Variants in SLC28A1 observed in about 807,000 individuals in gnomAD.
SLC28A1 encodes solute carrier family 28 member 1, also known as sodium/nucleoside cotransporter 1.
A neutral mutation model predicts 74.8 loss-of-function variants in SLC28A1; 64 were observed. The ratio of observed to expected loss-of-function variants is 0.86; its 90% CI spans 0.70 to 1.05. The LOEUF is 1.05. Among genes scored for constraint, SLC28A1 ranks in the 50% least tolerant of loss-of-function variants. The pLI, the probability that SLC28A1 is intolerant of heterozygous loss-of-function variation, is 0.00. For synonymous variants in SLC28A1, 359 were observed against 335.0 expected, an observed-to-expected ratio of 1.07 and a Z score of -0.78; for missense variants, 828 against 822.8, an observed-to-expected ratio of 1.01 and a Z score of -0.08.
chr15:84,898,821 A>G (rs1009714842), intron 6 of SLC28A1, among the ~76,000 whole-genome samples: 1 of 152,160 alleles, frequency 6.6e-6, no homozygotes, highest in African/African-American at 2.4e-5. Flanking sequence ...AGACCACAGC[A>G]CAGGGAAGGA....
At chr15:84,953,802 G>A in the SLC28A1 span, among the ~76,000 whole-genome samples, 1 of 152,220 alleles carries the variant, frequency 6.6e-6, no homozygotes, top group Non-Finnish European at 1.5e-5. Context: ...TGTAAAAAAT[G>A]TATAAATCAG....
At chr15:84,896,849 G>T (rs1966053153) in intron 6 of SLC28A1, among the ~76,000 whole-genome samples, 1 of 152,174 alleles carries the variant, frequency 6.6e-6, no homozygotes, top group Non-Finnish European at 1.5e-5. Context: ...GGAACATCAT[G>T]CTCAGTGAAA....
chr15:84,907,990 T>C (rs1378116616), intron 8 of SLC28A1, among the ~76,000 whole-genome samples: 4 of 152,092 alleles, frequency 2.6e-5, no homozygotes, highest in Non-Finnish European at 4.4e-5. Context: ...AACACAGGTC[T>C]CCTGTAGAAG....
intron 6 of SLC28A1, chr15:84,895,386 G>A (rs1567123695): frequency 6.2e-7 from 1 of 1,614,040 alleles, no homozygotes; most frequent in Admixed American, 1.7e-5. Flanking sequence ...AGGGATCCCA[G>A]GCCATGGAGC....
rs778767791 is a variant in SLC28A1, at chr15:84,935,492, G to A, written c.1555G>A (p.Val519Ile). 2.5e-6 allele frequency: 4 copies of A among 1,613,802 alleles called. No individual in the cohort carries two copies. The East Asian group carries it at 8.9e-5, about 36-fold the overall frequency. The change falls in exon 15 of 19, where the codon GTC becomes ATC. Residue 519 changes from valine to isoleucine, a missense_variant. Around this residue, in one of 3 missense-constraint regions of SLC28A1, gnomAD observed 767 missense variants for 753.5 expected, o/e 1.02. Coordinates refer to ENST00000394573, the MANE Select transcript of SLC28A1 (RefSeq NM_004213.5). ...QRRLAGAEEWVGDRKQWISVR... is the reference protein window; with the variant it reads ...QRRLAGAEEWIGDRKQWISVR... ...CCGCCTGGCAGGGGCCGAGGAGTGGGTCGGCGACAGGAAGCAGTGGATCTC... is the reference window on the plus strand; with the variant it reads ...CCGCCTGGCAGGGGCCGAGGAGTGGATCGGCGACAGGAAGCAGTGGATCTC...
chr15:84,905,432 C>A, intron 7 of SLC28A1, 107 bp from the exon 8 acceptor site: 1 of 780,548 alleles, frequency 1.3e-6, no homozygotes, highest in Non-Finnish European at 2.3e-6. Context: ...TGCCTGGCTC[C>A]AGCCCCATCC....
chr15:84,908,589 C>CCG, intron 8 of SLC28A1, 129 bp from the exon 9 acceptor site: 1 of 757,646 alleles, frequency 1.3e-6, no homozygotes, highest in Non-Finnish European at 2.3e-6. Flanking sequence ...CAGGTGGTGC[C>CCG]CCCCCCCGGA....
chr15:84,950,935 GACAA>G, the SLC28A1 span, among the ~76,000 whole-genome samples: 1 of 152,168 alleles, frequency 6.6e-6, no homozygotes, highest in African/African-American at 2.4e-5. Context: ...AGCAGCCATA[GACAA>G]ACAGAGTGGC....
At chr15:84,889,993 G>A (rs933449359) in intron 4 of SLC28A1, among the ~76,000 whole-genome samples, 1 of 151,600 alleles carries the variant, frequency 6.6e-6, no homozygotes, top group Non-Finnish European at 1.5e-5. Flanking sequence ...ACGCCACCAT[G>A]CCTGGCTAAT....
intron 9 of SLC28A1, among the ~76,000 whole-genome samples, chr15:84,915,465 C>T (rs923083175): frequency 3.9e-5 from 6 of 152,216 alleles, no homozygotes; most frequent in Non-Finnish European, 7.3e-5. Flanking sequence ...AAAAGCAGCC[C>T]TTGCCGGGCC....
chr15:84,928,568 T>C (rs796830909), intron 12 of SLC28A1, among the ~76,000 whole-genome samples: 559 of 16,680 alleles, frequency 0.034, 17 homozygotes, highest in African/African-American at 0.059. Context: ...CTTTCTTTCT[T>C]TCTTTCTTTC....
In SLC28A1 at chr15:84,933,278, G is replaced by A. The variant is rs979938159; in HGVS notation, c.1214+3G>A. ...GAAGGAGTGAAACTGACCTATGGGT[G>A]AGCACAGCAGGAGGTCCTGCAGACA... On this transcript the variant is annotated splice_donor_region_variant and intron_variant, in intron 13 of 18. Coordinates refer to ENST00000394573, the MANE Select transcript of SLC28A1 (RefSeq NM_004213.5). 2 of 1,612,596 alleles carry A rather than the reference G, an allele frequency of 1.2e-6. No homozygotes were observed. Among genetic ancestry groups the A allele is most frequent in the African/African-American group, 1.3e-5 (1 of 75,004 alleles).
chr15:84,892,498 C>T (rs963917675), intron 5 of SLC28A1, among the ~76,000 whole-genome samples: 15 of 152,168 alleles, frequency 9.9e-5, no homozygotes, highest in African/African-American at 3.6e-4. Context: ...GAATTCTCTC[C>T]AGTAGAGAAT....
the SLC28A1 span, among the ~76,000 whole-genome samples, chr15:84,971,215 A>G: frequency 6.6e-6 from 1 of 152,176 alleles, no homozygotes. Flanking sequence ...TTTAATGAAG[A>G]GGATTGGTTA....
intron 5 of SLC28A1, among the ~76,000 whole-genome samples, chr15:84,893,915 GC>G (rs2141675064): frequency 6.6e-6 from 1 of 152,350 alleles, no homozygotes; most frequent in Non-Finnish European, 1.5e-5. Flanking sequence ...TGGCGGCCTT[GC>G]CAGGCTCAGG....
In SLC28A1 at chr15:84,908,220, G is replaced by C. The variant is rs1484180181; in HGVS notation, c.718-498G>C. Among the ~76,000 whole-genome samples the C allele has an allele frequency of 2.6e-5, 3 of 116,156 alleles. No individual in the cohort carries two copies. The Admixed American group carries it at 3.9e-4, about 15-fold the overall frequency. 76.2% of individuals were successfully genotyped at this position (116,156 alleles called of 152,430 possible). On this transcript the variant is annotated intron_variant, in intron 8 of 18. Coordinates refer to ENST00000394573, the MANE Select transcript of SLC28A1 (RefSeq NM_004213.5). ...TTTTTTTGAGACAGAGTCTCGCTCTGTTGCCCAGGCTGCAGTGCAGTGGCG... is the reference window on the plus strand; with the variant it reads ...TTTTTTTGAGACAGAGTCTCGCTCTCTTGCCCAGGCTGCAGTGCAGTGGCG...
chr15:84,961,044 C>T, the SLC28A1 span, among the ~76,000 whole-genome samples: 1 of 152,142 alleles, frequency 6.6e-6, no homozygotes, highest in East Asian at 1.9e-4. Flanking sequence ...CTTCACATCC[C>T]TGTGTGTCCT....
intron 16 of SLC28A1, among the ~76,000 whole-genome samples, chr15:84,944,122 C>T (rs987270587): frequency 6.6e-6 from 1 of 152,146 alleles, no homozygotes; most frequent in African/African-American, 2.4e-5. Flanking sequence ...CCTGGTGGGG[C>T]CTAAGGTCGA....
In SLC28A1 at chr15:84,923,577, A is replaced by C. The variant is rs185679224; in HGVS notation, c.958-408A>C. ...TCTTTTTGGCCACCGCTGTGGCTGCAGGAGAGCTTGGGCCTGCAGCAGGAC... is the reference window on the plus strand; with the variant it reads ...TCTTTTTGGCCACCGCTGTGGCTGCCGGAGAGCTTGGGCCTGCAGCAGGAC... On this transcript the variant is annotated intron_variant, in intron 11 of 18. Coordinates refer to ENST00000394573, the MANE Select transcript of SLC28A1 (RefSeq NM_004213.5). Among the ~76,000 whole-genome samples the C allele has an allele frequency of 1.1e-3, 174 of 152,264 alleles. 2 individuals are homozygous for C. The East Asian group carries it at 0.026, about 23-fold the overall frequency.
Sources: allele counts gnomAD v4.1 joint callset (sites outside exome capture counted in the v4.1 genomes callset), GRCh38; gene constraint gnomAD v4.1.1; regional missense constraint gnomAD v4.1.1; transcripts MANE v1.5; gene names NCBI Gene and HGNC (gene_info 2026-07-23, HGNC 2026-07-21).